Variants in PMEPA1 observed in about 807,000 individuals in gnomAD.
The protein encoded by PMEPA1 is prostate transmembrane protein, androgen induced 1.
PMEPA1 carries 11 observed loss-of-function variants against 23.0 expected under a neutral mutation model. The ratio of observed to expected loss-of-function variants is 0.48; its 90% CI spans 0.30 to 0.79. The LOEUF (loss-of-function observed/expected upper bound fraction) is 0.79. Ranked by LOEUF, PMEPA1 falls within the 30% of genes least tolerant of loss-of-function variation. The probability of loss-of-function intolerance (pLI) is 0.06; values close to 1 mark genes in which losing one functional copy is unlikely to be tolerated. For synonymous variants in PMEPA1, 204 were observed against 166.4 expected (o/e 1.23, Z -1.74); for missense variants, 377 against 390.9 (o/e 0.96, Z 0.30).
upstream of PMEPA1, chr20:57,710,699 A>T: frequency 2.1e-6 from 1 of 471,378 alleles, no homozygotes. Context: ...TCTGCTGCCC[A>T]AGGGGCCTCC....
At chr20:57,698,621 A>G (rs897732690) in intron 1 of PMEPA1, among the ~76,000 whole-genome samples, 1 of 152,230 alleles carries the variant, frequency 6.6e-6, no homozygotes. Context: ...TTAGGAAGGC[A>G]ATTAGAACTC....
At chr20:57,670,951 G>T (rs535739857) in intron 1 of PMEPA1, among the ~76,000 whole-genome samples, 2 of 152,148 alleles carry the variant, frequency 1.3e-5, no homozygotes, top group Non-Finnish European at 2.9e-5. Context: ...CACACAGGAG[G>T]TGGACCTGGA....
intron 1 of PMEPA1, among the ~76,000 whole-genome samples, chr20:57,664,681 G>A (rs917574793): frequency 6.6e-6 from 1 of 152,230 alleles, no homozygotes; most frequent in African/African-American, 2.4e-5. Context: ...CAGCAGGACT[G>A]CCAACGCGAG....
chr20:57,671,630 C>A (rs1209411614), intron 1 of PMEPA1, among the ~76,000 whole-genome samples: 1 of 152,182 alleles, frequency 6.6e-6, no homozygotes, highest in Non-Finnish European at 1.5e-5. Context: ...CAGAGACCAT[C>A]TAAATGCCAC....
At chr20:57,661,655 G>A (rs919423317) in intron 1 of PMEPA1, among the ~76,000 whole-genome samples, 1 of 152,162 alleles carries the variant, frequency 6.6e-6, no homozygotes, top group African/African-American at 2.4e-5. Flanking sequence ...GAAAAAACAG[G>A]CCGTGCAGAG....
intron 1 of PMEPA1, among the ~76,000 whole-genome samples, chr20:57,679,964 C>T (rs2146679543): frequency 6.6e-6 from 1 of 152,334 alleles, no homozygotes; most frequent in Non-Finnish European, 1.5e-5. Context: ...CTGCGCCTTC[C>T]AGTTCCTTGG....
In PMEPA1 at chr20:57,656,729, A is replaced by G. The variant is rs2146641259; in HGVS notation, c.264+2814T>C. Among the ~76,000 whole-genome samples the G allele has an allele frequency of 6.6e-6, 1 of 152,260 alleles. No individual in the cohort carries two copies. Among genetic ancestry groups the G allele is most frequent in the Middle Eastern group, 3.4e-3 (1 of 294 alleles). ...GCTCAGGGTCTTACCTGAGATGGTG[A>G]GGCAGGTGGGTGAGGCACGAGCTCT... On this transcript the variant is annotated intron_variant, in intron 2 of 3. Transcript: ENST00000341744. The surrounding 1 kb of genome is among the most constrained non-coding windows in gnomAD (Gnocchi z 4.7).
At chr20:57,684,487 A>C (rs557885948) in intron 1 of PMEPA1, among the ~76,000 whole-genome samples, 38 of 152,246 alleles carry the variant, frequency 2.5e-4, no homozygotes, top group Admixed American at 2.3e-3. Flanking sequence ...CCCACTGCAG[A>C]GTCTGAAGGA....
chr20:57,700,122 G>A, intron 1 of PMEPA1: 1 of 471,486 alleles, frequency 2.1e-6, no homozygotes, highest in Non-Finnish European at 4.4e-6. Context: ...GAGACCTTAA[G>A]GACCAGCAGA....
rs375981512 is a variant in PMEPA1 at position 57,709,940 on chromosome 20, T to G, written c.-358A>C. On this transcript the variant is annotated 5_prime_UTR_variant, in exon 1 of 4. Coordinates refer to ENST00000341744, the MANE Select transcript of PMEPA1 (RefSeq NM_020182.5). ...CTCCGCCGCCGCCGCCGCCGCCGCC[T>G]CCTCCTCCTCATTCAAGTCCAAGGA... 2.8e-4 allele frequency: 284 copies of G among 1,010,032 alleles called. 1 individual carries two copies. In the African/African-American group the frequency reaches 3.2e-3, roughly 11 times the overall value. 62.6% of individuals were successfully genotyped at this position (1,010,032 alleles called of 1,614,324 possible). A position where few individuals can be genotyped will look rare whatever the true frequency, so the allele number is the denominator to read the frequency against.
At chr20:57,676,970 C>T (rs1354686049) in intron 1 of PMEPA1, among the ~76,000 whole-genome samples, 2 of 152,344 alleles carry the variant, frequency 1.3e-5, no homozygotes, top group South Asian at 4.1e-4. Flanking sequence ...TAAAACCCTG[C>T]GAGGCCCACC....
At chr20:57,658,311 GC>G (rs1238452193) in intron 2 of PMEPA1, among the ~76,000 whole-genome samples, 1 of 152,108 alleles carries the variant, frequency 6.6e-6, no homozygotes, top group Non-Finnish European at 1.5e-5. Context: ...ACACTCCCGC[GC>G]CCACTTCACC....
chr20:57,687,985 T>C (rs1293654638), intron 1 of PMEPA1, among the ~76,000 whole-genome samples: 1 of 152,174 alleles, frequency 6.6e-6, no homozygotes, highest in Non-Finnish European at 1.5e-5. Context: ...CACCCTGGGT[T>C]CAGTGTCTTT....
At chr20:57,700,368 T>C (rs1047879975) in intron 1 of PMEPA1, among the ~76,000 whole-genome samples, 27 of 152,196 alleles carry the variant, frequency 1.8e-4, no homozygotes, top group African/African-American at 6.3e-4. Flanking sequence ...TCAACACAAA[T>C]AAGCACTTGG....
intron 1 of PMEPA1, among the ~76,000 whole-genome samples, chr20:57,672,921 C>T (rs1320260156): frequency 2.6e-5 from 4 of 152,170 alleles, no homozygotes; most frequent in Non-Finnish European, 5.9e-5. Context: ...TCTGGAAAAG[C>T]GGAATACCAC....
chr20:57,687,673 G>A (rs2071819473), intron 1 of PMEPA1, among the ~76,000 whole-genome samples: 1 of 152,218 alleles, frequency 6.6e-6, no homozygotes, highest in South Asian at 2.1e-4. Context: ...AAAATACTCA[G>A]AAGAAAGATG....
In PMEPA1 at chr20:57,652,886, A is replaced by T. The variant is rs6123715; in HGVS notation, c.318+147T>A. 86,003 of 744,814 alleles carry T rather than the reference A, an allele frequency of 0.12. 6,459 individuals carry two copies. The highest frequency in any genetic ancestry group is 0.34 in the East Asian group (12,516 of 37,218). The allele number at this position is 744,814 out of a possible 1,614,324, so 46.1% of individuals were successfully genotyped here. On this transcript the variant is annotated intron_variant, in intron 3 of 3. Transcript: ENST00000341744. This position sits in a 1 kb window ranked among gnomAD's most constrained non-coding sequence, Gnocchi z 6.1. ...CTCCCTCAGGGGCAGGGAGCAGATG[A>T]TCTCCGGCAAGGAGGATCCCAGCAG...
chr20:57,691,441 G>A (rs572138116), intron 1 of PMEPA1, among the ~76,000 whole-genome samples: 6 of 152,278 alleles, frequency 3.9e-5, no homozygotes, highest in African/African-American at 7.2e-5. Context: ...CTGACTGAGA[G>A]TTGAATCACA....
At chr20:57,676,721 A>AC (rs1184681676) in intron 1 of PMEPA1, among the ~76,000 whole-genome samples, 12 of 150,206 alleles carry the variant, frequency 8.0e-5, no homozygotes, top group Non-Finnish European at 1.5e-4. Flanking sequence ...TGGGAGCTGG[A>AC]CCCCCCATGA....
Sources: allele counts gnomAD v4.1 joint callset (sites outside exome capture counted in the v4.1 genomes callset), GRCh38; gene constraint gnomAD v4.1.1; non-coding constraint Gnocchi (gnomAD v3.1); transcripts MANE v1.5; gene names NCBI Gene and HGNC (gene_info 2026-07-23, HGNC 2026-07-21).